The following RYR2 variants were observed in gnomAD, a reference collection of about 807,000 sequenced individuals.
RYR2 encodes ryanodine receptor 2, also known as cardiac muscle ryanodine receptor-calcium release channel.
In RYR2, 227 loss-of-function variants were observed where a neutral mutation model predicts 601.1. The observed-to-expected ratio is 0.38, with a 90% CI of 0.34 to 0.42. RYR2 has a LOEUF of 0.42. Among genes scored for constraint, RYR2 ranks in the 10% least tolerant of loss-of-function variants. The pLI, the probability that RYR2 is intolerant of heterozygous loss-of-function variation, is 1.00. For synonymous variants in RYR2, 2,223 were observed against 2,175.1 expected (o/e 1.02, Z -0.61); for missense variants, 4,646 against 6,156.5 (o/e 0.75, Z 8.21).
intron 2 of RYR2, among the ~76,000 whole-genome samples, chr1:237,308,431 C>T (rs1041274577): frequency 6.6e-6 from 1 of 152,166 alleles, no homozygotes; most frequent in Non-Finnish European, 1.5e-5. Context: ...TGCGCACTCA[C>T]CTTGAATTAT....
Position 237,614,820 on chromosome 1 carries a change from C to T in RYR2, c.5692C>T (p.Leu1898=), listed in dbSNP as rs748321450. The change falls in exon 37 of 105, where the codon CTG becomes TTG. Residue 1898 remains leucine, a synonymous_variant. Coordinates refer to ENST00000366574, the MANE Select transcript of RYR2 (RefSeq NM_001035.3). This position sits in a 1 kb window ranked among gnomAD's most constrained non-coding sequence, Gnocchi z 4.3. ...CAAGGAAGGCCTGCTCCAAATGAAA[C>T]TGCCAGAGCCAGTTAAATTGCAGGT... The part of the protein sequence containing the change: ...RPKEGLLQMK[L]PEPVKLQMCL... 1 of 1,576,064 alleles carries T rather than the reference C, an allele frequency of 6.3e-7. No homozygotes were observed. The highest frequency in any genetic ancestry group is 8.6e-7 in the Non-Finnish European group (1 of 1,163,108).
intron 80 of RYR2, among the ~76,000 whole-genome samples, chr1:237,753,667 GA>G (rs1692713347): frequency 6.6e-6 from 1 of 152,086 alleles, no homozygotes; most frequent in Non-Finnish European, 1.5e-5. Flanking sequence ...GTGTAACCTT[GA>G]AATAACCTTG....
intron 3 of RYR2, among the ~76,000 whole-genome samples, chr1:237,353,121 A>G (rs926829471): frequency 3.3e-5 from 5 of 152,222 alleles, no homozygotes; most frequent in African/African-American, 1.2e-4. Flanking sequence ...AAAGCCTGCC[A>G]CATGGTAACT....
At chr1:237,726,440 T>G (rs541851047) in intron 75 of RYR2, 132 bp downstream of exon 75, 1 of 641,422 alleles carries the variant, frequency 1.6e-6, no homozygotes, top group South Asian at 1.9e-5. Flanking sequence ...ATAAATAACT[T>G]GCTTGCATCA....
At chr1:237,737,147 T>G (rs1027827811) in intron 79 of RYR2, among the ~76,000 whole-genome samples, 2 of 152,198 alleles carry the variant, frequency 1.3e-5, no homozygotes, top group East Asian at 3.9e-4. Context: ...TCCTTGTGAG[T>G]GAAACTGAAT....
intron 1 of RYR2, among the ~76,000 whole-genome samples, chr1:237,146,857 C>A (rs1674058719): frequency 6.6e-6 from 1 of 152,112 alleles, no homozygotes; most frequent in Non-Finnish European, 1.5e-5. Flanking sequence ...AGTTTGGAGA[C>A]ACAGCTTCTT....
In RYR2 at chr1:237,700,289, C is replaced by T. The variant is rs531651646; in HGVS notation, c.9189C>T (p.Asn3063=). Residue 3063 remains asparagine, a synonymous_variant, in exon 65 of 105, where the codon AAC becomes AAT. Coordinates refer to ENST00000366574, the MANE Select transcript of RYR2 (RefSeq NM_001035.3). ...GTGCACTCAGAGCTTTTCTGGACAA[C>T]GCTGCAGAGGATCTGGAGAAGACCA... The part of the protein sequence containing the change: ...VKSALRAFLD[N]AAEDLEKTME... 2.5e-5 allele frequency: 39 copies of T among 1,589,282 alleles called. No individual in the cohort carries two copies. Among genetic ancestry groups the T allele is most frequent in the East Asian group, 1.8e-4 (8 of 43,962 alleles).
chr1:237,705,582 C>T (rs1050520639), intron 67 of RYR2, among the ~76,000 whole-genome samples: 18 of 152,054 alleles, frequency 1.2e-4, no homozygotes, highest in African/African-American at 4.3e-4. Context: ...ACTGAGCAGG[C>T]CCCTTGGACA....
At chr1:237,634,815 G>A (rs766029788) in intron 43 of RYR2, 74 bp from the exon 44 acceptor site, 5 of 1,071,684 alleles carry the variant, frequency 4.7e-6, no homozygotes, top group Non-Finnish European at 7.0e-6. Context: ...ATTTTAAGAG[G>A]TAGTATATTT....
At chr1:237,625,598 G>A in intron 39 of RYR2, 63 bp from the exon 40 acceptor site, 1 of 1,526,550 alleles carries the variant, frequency 6.6e-7, no homozygotes, top group Non-Finnish European at 8.9e-7. Context: ...CAAGGCCTCA[G>A]AATTATTTGC....
At chr1:237,606,202 A>C (rs577248338) in intron 35 of RYR2, among the ~76,000 whole-genome samples, 1 of 152,182 alleles carries the variant, frequency 6.6e-6, no homozygotes, top group Non-Finnish European at 1.5e-5. Flanking sequence ...ACAGCATGGT[A>C]CTGGTACCAA....
chr1:237,113,245 C>G (rs1669699209), intron 1 of RYR2, among the ~76,000 whole-genome samples: 1 of 151,928 alleles, frequency 6.6e-6, no homozygotes, highest in Admixed American at 6.6e-5. Flanking sequence ...GTCGCCCAGA[C>G]TGGGGTGCAG....
At chr1:237,160,926 A>T (rs1381318923) in intron 1 of RYR2, among the ~76,000 whole-genome samples, 1 of 152,146 alleles carries the variant, frequency 6.6e-6, no homozygotes, top group Admixed American at 6.5e-5. Flanking sequence ...GCTTATTCAC[A>T]TTCCTGGATT....
At chr1:237,797,505 G>T (rs1339642) in intron 96 of RYR2, among the ~76,000 whole-genome samples, 84,258 of 152,054 alleles carry the variant, frequency 0.55, 25,425 homozygotes, top group East Asian at 0.86. Flanking sequence ...CCCCCTATTG[G>T]CATGCAGAGG....
chr1:237,128,192 G>A (rs1371780446), intron 1 of RYR2, among the ~76,000 whole-genome samples: 2 of 152,210 alleles, frequency 1.3e-5, no homozygotes, highest in African/African-American at 2.4e-5. Context: ...AGACCGGCCT[G>A]GCCAACACAG....
At chr1:237,809,949 A>G (rs1661081421) in intron 100 of RYR2, among the ~76,000 whole-genome samples, 1 of 152,188 alleles carries the variant, frequency 6.6e-6, no homozygotes, top group Admixed American at 6.5e-5. Context: ...CATTAGTACC[A>G]TGGACAAGCT....
chr1:237,182,153 A>C (rs753942451), intron 1 of RYR2, among the ~76,000 whole-genome samples: 1 of 146,898 alleles, frequency 6.8e-6, no homozygotes, highest in Non-Finnish European at 1.5e-5. Flanking sequence ...ATGGAGTCGC[A>C]CTCTATTGCC....
At chr1:237,080,876 A>T (rs1163754358) in intron 1 of RYR2, among the ~76,000 whole-genome samples, 1 of 82,516 alleles carries the variant, frequency 1.2e-5, no homozygotes, top group Non-Finnish European at 2.5e-5. Flanking sequence ...ACTTGGAACC[A>T]ACCCAAATGT....
intron 1 of RYR2, among the ~76,000 whole-genome samples, chr1:237,047,720 G>T (rs1387733698): frequency 6.6e-6 from 1 of 151,986 alleles, no homozygotes; most frequent in East Asian, 1.9e-4. Flanking sequence ...TTGACTTTGG[G>T]GACATGGTAC....
Sources: gnomAD v4.1 joint callset for allele counts (sites outside exome capture counted in the v4.1 genomes callset) on GRCh38, gnomAD v4.1.1 for gene constraint, Gnocchi (gnomAD v3.1) non-coding constraint, MANE v1.5 for transcripts, NCBI Gene and HGNC (gene_info 2026-07-23, HGNC 2026-07-21) for gene names.